Variants in PARG observed in about 807,000 individuals in gnomAD.
PARG encodes the protein poly(ADP-ribose) glycohydrolase, also known as mitochondrial poly(ADP-ribose) glycohydrolase.
PARG carries 35 observed loss-of-function variants against 113.0 expected under a neutral mutation model. That is an observed-to-expected ratio of 0.31 (90% CI 0.24 to 0.41). The LOEUF is 0.41. Among genes scored for constraint, PARG ranks in the 10% least tolerant of loss-of-function variants. The pLI, the probability that PARG is intolerant of heterozygous loss-of-function variation, is 1.00. For missense variants in PARG, 797 were observed against 1,169.4 expected (o/e 0.68, Z 4.64); for synonymous variants, 330 against 409.9 (o/e 0.81, Z 2.36).
chr10:49,922,316 G>T lies in PARG; in HGVS notation c.1662+20C>A, dbSNP rs1554849474. 13 of 1,586,994 alleles carry T rather than the reference G, an allele frequency of 8.2e-6. No individual in the cohort carries two copies. Among genetic ancestry groups the T allele is most frequent in the Non-Finnish European group, 1.1e-5 (13 of 1,166,680 alleles). On this transcript the variant is annotated intron_variant, in intron 6 of 17. Transcript: ENST00000616448. Reference sequence around the variant, plus strand: ...AGACACAGGGCCCATAAACAGGCAAGCATGGTAAAAACAACATACCTTCAA... The same window carrying T: ...AGACACAGGGCCCATAAACAGGCAATCATGGTAAAAACAACATACCTTCAA...
At chr10:49,906,691 A>T (rs1848608375) in intron 7 of PARG, among the ~76,000 whole-genome samples, 1 of 152,130 alleles carries the variant, frequency 6.6e-6, no homozygotes, top group African/African-American at 2.4e-5. Context: ...CATACTGCTG[A>T]CACTATAGTT....
chr10:49,913,431 A>C (rs572258232), intron 7 of PARG, among the ~76,000 whole-genome samples: 4 of 152,364 alleles, frequency 2.6e-5, no homozygotes, highest in Non-Finnish European at 5.9e-5. Flanking sequence ...AAACATTATA[A>C]AATTATATAA....
chr10:49,904,733 T>A (rs1554844443), intron 7 of PARG, among the ~76,000 whole-genome samples: 4 of 151,906 alleles, frequency 2.6e-5, no homozygotes, highest in Non-Finnish European at 5.9e-5. Flanking sequence ...CTGGCCAACA[T>A]GGTGAAACCC....
chr10:49,852,845 G>A (rs1286455041), intron 13 of PARG, among the ~76,000 whole-genome samples: 1 of 149,930 alleles, frequency 6.7e-6, no homozygotes, highest in Non-Finnish European at 1.5e-5. Flanking sequence ...GATTACAGGG[G>A]TGAGCCACCT....
chr10:49,881,058 C>G (rs1256502601), intron 8 of PARG, among the ~76,000 whole-genome samples: 1 of 152,214 alleles, frequency 6.6e-6, no homozygotes, highest in Non-Finnish European at 1.5e-5. Flanking sequence ...GTTTCATCCA[C>G]ATCATAAAAC....
Position 49,857,339 on chromosome 10 carries a change from C to T in PARG, c.2320G>A (p.Val774Met), listed in dbSNP as rs1554835228. Residue 774 changes from valine (V) to methionine (M), a missense_variant, in exon 13 of 18, where the codon GTG (valine) becomes ATG (methionine). Val to Met is a conservative substitution (Grantham distance 21). This residue lies in a region of PARG where 40 missense variants were observed against 124.5 expected (regional missense o/e 0.32). Coordinates refer to ENST00000616448, the MANE Select transcript of PARG (RefSeq NM_003631.5). ...ELIISRLFTE[V>M]LDHNECLIIT... ...ATTAGACATTCATTGTGATCCAGCA[C>T]CTCAGTGAAGAGCCGTGAAATAATC... 2 of 1,249,250 alleles carry T rather than the reference C, an allele frequency of 1.6e-6. No individual in the cohort carries two copies. Among genetic ancestry groups the T allele is most frequent in the South Asian group, 1.3e-5 (1 of 78,786 alleles). The allele number at this position is 1,249,250 out of a possible 1,614,324, so 77.4% of individuals were successfully genotyped here.
chr10:49,838,895 T>C (rs1312366858), intron 15 of PARG, among the ~76,000 whole-genome samples: 1 of 152,216 alleles, frequency 6.6e-6, no homozygotes, highest in Admixed American at 6.5e-5. Context: ...CCAAACTTGA[T>C]TTGACACTCA....
At chr10:49,928,477 CAT>C (rs1838328219) in intron 4 of PARG, among the ~76,000 whole-genome samples, 1 of 152,094 alleles carries the variant, frequency 6.6e-6, no homozygotes, top group Non-Finnish European at 1.5e-5. Context: ...CGCACGTATG[CAT>C]GTGTTTGTTG....
At chr10:49,926,474 G>C (rs868993480) in intron 4 of PARG, among the ~76,000 whole-genome samples, 208 of 152,258 alleles carry the variant, frequency 1.4e-3, no homozygotes, top group African/African-American at 3.0e-3. Context: ...ATAGGTCCCT[G>C]AGTTATTTTT....
intron 7 of PARG, among the ~76,000 whole-genome samples, chr10:49,887,146 C>T (rs2132661964): frequency 6.6e-6 from 1 of 151,684 alleles, no homozygotes; most frequent in East Asian, 1.9e-4. Flanking sequence ...AACTCCTGGG[C>T]TCAAAAAATC....
intron 4 of PARG, among the ~76,000 whole-genome samples, chr10:49,925,718 A>G (rs1171635314): frequency 1.3e-5 from 2 of 152,230 alleles, no homozygotes; most frequent in Admixed American, 6.5e-5. Flanking sequence ...AAAAACATCT[A>G]CTGAGACAGA....
chr10:49,896,441 C>A (rs1174389007), intron 7 of PARG, among the ~76,000 whole-genome samples: 5 of 152,158 alleles, frequency 3.3e-5, no homozygotes, highest in Non-Finnish European at 7.4e-5. Flanking sequence ...CATGCTACCA[C>A]ACCCAGCTAA....
chr10:49,825,886 C>T (rs1844331652), intron 16 of PARG, among the ~76,000 whole-genome samples: 1 of 152,192 alleles, frequency 6.6e-6, no homozygotes, highest in Non-Finnish European at 1.5e-5. Flanking sequence ...AGCAGTATCT[C>T]TGAGGTGCTG....
chr10:49,824,436 T>C (rs1844252007), intron 16 of PARG, among the ~76,000 whole-genome samples: 1 of 152,188 alleles, frequency 6.6e-6, no homozygotes, highest in South Asian at 2.1e-4. Context: ...AATTCTAACT[T>C]CAAGCACAAC....
chr10:49,905,292 G>C (rs1442688455), intron 7 of PARG, among the ~76,000 whole-genome samples: 9 of 152,346 alleles, frequency 5.9e-5, no homozygotes, highest in African/African-American at 1.9e-4. Context: ...TGGAATCCTA[G>C]AGTAATAAGG....
At position 49,932,127 on chromosome 10, in the gene PARG, T is replaced by C. The variant is rs1554909941; in HGVS notation, c.1428A>G (p.Pro476=). The C allele has an allele frequency of 1.1e-5, 18 of 1,603,626 alleles. No individual in the cohort carries two copies. In the African/African-American group the frequency reaches 2.1e-4, roughly 19 times the overall value. ...GAATAGTTACTGTGTGATTGGCAGATGGTCTCAAGAGAGGCAGCCGGATCC... is the reference window on the plus strand; with the variant it reads ...GAATAGTTACTGTGTGATTGGCAGACGGTCTCAAGAGAGGCAGCCGGATCC... ...RCGIRLPLLR[P]SANHTVTIRV... is the part of the protein sequence containing the mutation. Residue 476 remains proline (P), a synonymous_variant, in exon 4 of 18, where the codon CCA becomes CCG. Coordinates refer to ENST00000616448, the MANE Select transcript of PARG (RefSeq NM_003631.5).
intron 4 of PARG, among the ~76,000 whole-genome samples, chr10:49,923,239 C>T (rs1196758833): frequency 1.3e-5 from 2 of 152,256 alleles, no homozygotes; most frequent in East Asian, 3.9e-4. Flanking sequence ...TTGTCACCTT[C>T]ATAGCTCTGC....
intron 7 of PARG, among the ~76,000 whole-genome samples, chr10:49,891,617 ATATATATTTTTTTT>A (rs1268194612): frequency 1.7e-4 from 8 of 48,324 alleles, no homozygotes; most frequent in African/African-American, 6.7e-4. Flanking sequence ...ATATATATAT[ATATATATTTTTTTT>A]TTTTTTTTTT....
chr10:49,856,974 A>G (rs1846023912), intron 13 of PARG, among the ~76,000 whole-genome samples: 1 of 139,014 alleles, frequency 7.2e-6, no homozygotes, highest in Non-Finnish European at 1.5e-5. Context: ...GCACCATTGC[A>G]CTCCAGCCTG....
Sources: allele counts gnomAD v4.1 joint callset (sites outside exome capture counted in the v4.1 genomes callset), GRCh38; gene constraint gnomAD v4.1.1; regional missense constraint gnomAD v4.1.1; transcripts MANE v1.5; gene names NCBI Gene and HGNC (gene_info 2026-07-23, HGNC 2026-07-21).